Variants in TAF3 observed in about 807,000 individuals in gnomAD.
TAF3 encodes transcription initiation factor TFIID subunit 3.
TAF3 carries 7 observed loss-of-function variants against 80.6 expected under a neutral mutation model. The ratio of observed to expected loss-of-function variants is 0.09; its 90% CI spans 0.05 to 0.16. The LOEUF (loss-of-function observed/expected upper bound fraction) is 0.16, where lower values mean the gene tolerates loss of function less well. Among genes scored for constraint, TAF3 ranks in the 10% least tolerant of loss-of-function variants. The pLI is 1.00. For synonymous variants in TAF3, 444 were observed against 446.1 expected, an observed-to-expected ratio of 1.00 and a Z score of 0.06; for missense variants, 921 against 1,140.2, an observed-to-expected ratio of 0.81 and a Z score of 2.77.
chr10:7,863,713 A>G (rs1347873476), intron 2 of TAF3, among the ~76,000 whole-genome samples: 1 of 114,750 alleles, frequency 8.7e-6, no homozygotes, highest in Non-Finnish European at 1.8e-5. Context: ...ATACACATAT[A>G]TATATACACA....
intron 2 of TAF3, among the ~76,000 whole-genome samples, chr10:7,854,797 G>A (rs1334461382): frequency 6.6e-6 from 1 of 152,204 alleles, no homozygotes; most frequent in Non-Finnish European, 1.5e-5. Context: ...TAGATCAGTA[G>A]TATGTTACAG....
chr10:7,852,814 T>C (rs1041270403), intron 2 of TAF3, among the ~76,000 whole-genome samples: 4 of 152,238 alleles, frequency 2.6e-5, no homozygotes, highest in Admixed American at 1.3e-4. Context: ...CATCTACTAT[T>C]TGGTTTCCTG....
At chr10:8,006,841 G>A (rs1316609201) in intron 4 of TAF3, among the ~76,000 whole-genome samples, 1 of 152,218 alleles carries the variant, frequency 6.6e-6, no homozygotes, top group Non-Finnish European at 1.5e-5. Flanking sequence ...GCACGGGGCC[G>A]GCAGTTCCCA....
At chr10:7,961,186 A>G (rs1838186414) in intron 2 of TAF3, among the ~76,000 whole-genome samples, 1 of 152,188 alleles carries the variant, frequency 6.6e-6, no homozygotes, top group Non-Finnish European at 1.5e-5. Flanking sequence ...GAAAGCAAAC[A>G]GAGTTGAAAA....
intron 1 of TAF3, 117 bp from the exon 2 acceptor site, chr10:7,824,201 C>T: frequency 8.7e-7 from 1 of 1,153,248 alleles, no homozygotes. Context: ...TTTCCAATAA[C>T]TAGGTTAAAA....
At chr10:7,842,138 T>C (rs1483992233) in intron 2 of TAF3, among the ~76,000 whole-genome samples, 1 of 151,390 alleles carries the variant, frequency 6.6e-6, no homozygotes, top group Admixed American at 6.6e-5. Flanking sequence ...TTGTAGGATA[T>C]TGAATTAATA....
chr10:7,862,665 C>T (rs1452926815), intron 2 of TAF3, among the ~76,000 whole-genome samples: 1 of 152,186 alleles, frequency 6.6e-6, no homozygotes, highest in Non-Finnish European at 1.5e-5. Flanking sequence ...CTTTTGCAAT[C>T]CATATCTCCT....
chr10:7,920,570 T>C (rs1241077770), intron 2 of TAF3, among the ~76,000 whole-genome samples: 1 of 152,210 alleles, frequency 6.6e-6, no homozygotes, highest in African/African-American at 2.4e-5. Context: ...TGGTATCTAT[T>C]CTGTATTATT....
chr10:7,993,608 C>T (rs2131429728), intron 4 of TAF3, among the ~76,000 whole-genome samples: 1 of 152,302 alleles, frequency 6.6e-6, no homozygotes. Flanking sequence ...ATCCCTGTAA[C>T]TGGCATTTAG....
intron 2 of TAF3, among the ~76,000 whole-genome samples, chr10:7,885,358 C>A (rs750814898): frequency 6.6e-6 from 1 of 151,922 alleles, no homozygotes; most frequent in East Asian, 1.9e-4. Context: ...TAGTTAGATT[C>A]GTTTATTTCC....
chr10:7,840,292 A>G (rs551645437), intron 2 of TAF3, among the ~76,000 whole-genome samples: 1 of 151,758 alleles, frequency 6.6e-6, no homozygotes, highest in Non-Finnish European at 1.5e-5. Flanking sequence ...AGCTCTGACT[A>G]CAGGCGCCCG....
Position 7,883,674 on chromosome 10 carries a change from A to G in TAF3, c.409+59114A>G, listed in dbSNP as rs1837381787. Among the ~76,000 whole-genome samples the G allele has an allele frequency of 3.3e-5, 5 of 152,248 alleles. No homozygotes were observed. In the South Asian group the frequency reaches 1.0e-3, roughly 32 times the overall value. On this transcript the variant is annotated intron_variant, in intron 2 of 6. Transcript: ENST00000344293. ...TAATTCCATTCTTCCTTCTACATTT[A>G]TCAGTTGGCATTCTACTCTATGGAA...
At chr10:7,929,263 T>TA (rs1287903919) in intron 2 of TAF3, among the ~76,000 whole-genome samples, 1 of 151,728 alleles carries the variant, frequency 6.6e-6, no homozygotes, top group Non-Finnish European at 1.5e-5. Context: ...TTTGTTGTTT[T>TA]TTTTTTGGTA....
chr10:7,906,874 T>C (rs915980284), intron 2 of TAF3, among the ~76,000 whole-genome samples: 4 of 151,342 alleles, frequency 2.6e-5, no homozygotes, highest in African/African-American at 9.7e-5. Flanking sequence ...TGCACCACCA[T>C]GCCCAGCGTA....
chr10:7,970,719 A>G (rs769265049), intron 3 of TAF3, among the ~76,000 whole-genome samples: 11 of 152,262 alleles, frequency 7.2e-5, no homozygotes, highest in Non-Finnish European at 1.6e-4. Context: ...AGCAATCAGA[A>G]CAATTAAAAA....
chr10:7,946,750 C>T (rs1013718915), intron 2 of TAF3, among the ~76,000 whole-genome samples: 1 of 125,650 alleles, frequency 8.0e-6, no homozygotes, highest in Non-Finnish European at 1.8e-5. Flanking sequence ...AGGAAAGTGG[C>T]ACTCTACATC....
chr10:7,991,674 G>A (rs182042443), intron 4 of TAF3, among the ~76,000 whole-genome samples: 1 of 152,272 alleles, frequency 6.6e-6, no homozygotes, highest in Admixed American at 6.5e-5. Flanking sequence ...ATGTATGTGT[G>A]TGTCTATATC....
At chr10:7,821,832 AAAGAT>A (rs1030569047) in intron 1 of TAF3, among the ~76,000 whole-genome samples, 2 of 152,198 alleles carry the variant, frequency 1.3e-5, no homozygotes, top group Non-Finnish European at 2.9e-5. Flanking sequence ...ACTTCACAGA[AAAGAT>A]AAGATTTGAG....
chr10:7,819,016 C>T lies in TAF3; in HGVS notation c.166+141C>T, dbSNP rs961792104. The T allele has an allele frequency of 2.0e-5, 18 of 878,924 alleles. No individual in the cohort carries two copies. In the African/African-American group the frequency reaches 2.5e-4, roughly 12 times the overall value. The allele number at this position is 878,924 out of a possible 1,614,324, so 54.4% of individuals were successfully genotyped here. On this transcript the variant is annotated intron_variant, in intron 1 of 6. Transcript: ENST00000344293. ...GCTGTTTCCTCGGCCTCCCACGTCC[C>T]TGGGCTTCCACTGCCGCTCCAAACT...
Sources: allele counts gnomAD v4.1 joint callset (sites outside exome capture counted in the v4.1 genomes callset), GRCh38; gene constraint gnomAD v4.1.1; transcripts MANE v1.5; gene names NCBI Gene and HGNC (gene_info 2026-07-23, HGNC 2026-07-21).